Variants in HIBCH observed in about 807,000 individuals in gnomAD.
HIBCH encodes the protein 3-hydroxyisobutyryl-CoA hydrolase, also known as 3-hydroxyisobutyryl-CoA hydrolase, mitochondrial.
In HIBCH, 50 loss-of-function variants were observed where a neutral mutation model predicts 58.2. The ratio of observed to expected loss-of-function variants is 0.86; its 90% confidence interval spans 0.68 to 1.09. The LOEUF is 1.09. HIBCH is among the 50% of genes least tolerant of loss of function. The pLI, the probability that HIBCH is intolerant of heterozygous loss-of-function variation, is 0.00. For synonymous variants in HIBCH, 151 were observed against 146.9 expected (o/e 1.03, Z -0.20); for missense variants, 450 against 449.7 (o/e 1.00, Z -0.01).
At chr2:190,292,457 G>A (rs1687983367) in intron 4 of HIBCH, among the ~76,000 whole-genome samples, 1 of 152,050 alleles carries the variant, frequency 6.6e-6, no homozygotes, top group African/African-American at 2.4e-5. Flanking sequence ...GGCGCATGCC[G>A]CCATGCCCAG....
intron 2 of HIBCH, among the ~76,000 whole-genome samples, chr2:190,303,037 G>A (rs971871056): frequency 1.3e-5 from 2 of 152,180 alleles, no homozygotes; most frequent in Admixed American, 6.5e-5. Flanking sequence ...TCACTGTCAG[G>A]AGTAGAGTTA....
chr2:190,228,279 T>A (rs1030063143), intron 11 of HIBCH, among the ~76,000 whole-genome samples: 1 of 151,920 alleles, frequency 6.6e-6, no homozygotes, highest in Non-Finnish European at 1.5e-5. Flanking sequence ...GAAATCATCA[T>A]TCTCAGCAAA....
intron 11 of HIBCH, among the ~76,000 whole-genome samples, chr2:190,222,658 T>C (rs930133603): frequency 6.6e-6 from 1 of 152,164 alleles, no homozygotes; most frequent in Non-Finnish European, 1.5e-5. Flanking sequence ...TAGGAACGCT[T>C]TTACACTGTT....
At position 190,204,014 on chromosome 2, in the gene HIBCH, TAAAC is replaced by T. The variant is rs969636899; in HGVS notation, c.*1099_*1102del. 2.6e-5 allele frequency: 4 copies of T among 152,012 alleles called. No individual in the cohort carries two copies. Among genetic ancestry groups the T allele is most frequent in the African/African-American group, 4.8e-5 (2 of 41,438 alleles). 9.4% of individuals were successfully genotyped at this position (152,012 alleles called of 1,614,324 possible). ...TAATTTATAAACTTACCTTTAAAAT[TAAAC>T]AAAAATTACAAACAAAAAACAAAAT... On this transcript the variant is annotated 3_prime_UTR_variant, in exon 14 of 14. Transcript: ENST00000359678.
intron 5 of HIBCH, 92 bp downstream of exon 5, chr2:190,290,313 A>C: frequency 1.2e-6 from 1 of 851,924 alleles, no homozygotes; most frequent in Non-Finnish European, 2.0e-6. Context: ...AGTTTAAGTA[A>C]GGATGCCTAT....
In HIBCH at chr2:190,226,557, C is replaced by T. The variant is rs186639398; in HGVS notation, c.892-13482G>A. On this transcript the variant is annotated intron_variant, in intron 11 of 13. Transcript: ENST00000359678. The stretch of plus-strand genomic sequence containing the variant: ...TTGCAGTGAGCCGAGATTGTGCCAC[C>T]GCACTCCAGCCTGGGCAACAAGAGT... 2.4e-3 allele frequency among the ~76,000 whole-genome samples: 348 copies of T among 144,340 alleles called. 1 individual carries two copies. The highest frequency in any genetic ancestry group is 3.5e-3 in the Non-Finnish European group (229 of 66,330). The allele number at this position is 144,340 out of a possible 152,430, so 94.7% of individuals were successfully genotyped here.
chr2:190,263,339 T>C (rs1687145627), intron 6 of HIBCH, among the ~76,000 whole-genome samples: 1 of 152,204 alleles, frequency 6.6e-6, no homozygotes, highest in African/African-American at 2.4e-5. Flanking sequence ...TCAGTAATAT[T>C]TGACAGTTGC....
chr2:190,192,802 CATTA>C (rs1377393818), intron 1 of HIBCH, among the ~76,000 whole-genome samples: 1 of 152,082 alleles, frequency 6.6e-6, no homozygotes, highest in East Asian at 1.9e-4. Flanking sequence ...TTGCAAATGG[CATTA>C]ATTTCATCTT....
intron 3 of HIBCH, 119 bp downstream of exon 3, chr2:190,296,694 G>T: frequency 3.3e-6 from 3 of 920,858 alleles, no homozygotes; most frequent in Non-Finnish European, 5.2e-6. Context: ...AATTGATGGG[G>T]CTTACTTAGA....
At chr2:190,235,066 A>G (rs370243495) in intron 11 of HIBCH, among the ~76,000 whole-genome samples, 1 of 152,182 alleles carries the variant, frequency 6.6e-6, no homozygotes, top group South Asian at 2.1e-4. Context: ...ACTAGAAATG[A>G]AAACTTAAGA....
Position 190,246,224 on chromosome 2 carries a change from G to T in HIBCH, c.751-12C>A. Reference sequence around the variant, plus strand: ...CGATCAATCTTAGACTGTTTGAAAAGAAAAATCTTTTAATAAATTTGAACA... The same window carrying T: ...CGATCAATCTTAGACTGTTTGAAAATAAAAATCTTTTAATAAATTTGAACA... On this transcript the variant is annotated splice_polypyrimidine_tract_variant and intron_variant, in intron 9 of 13. Transcript: ENST00000359678. 1 of 1,521,104 alleles carries T rather than the reference G, an allele frequency of 6.6e-7. No individual in the cohort carries two copies. Among genetic ancestry groups the T allele is most frequent in the South Asian group, 1.2e-5 (1 of 86,078 alleles). 94.2% of individuals were successfully genotyped at this position (1,521,104 alleles called of 1,614,324 possible). A position where few individuals can be genotyped will look rare whatever the true frequency, so the allele number is the denominator to read the frequency against.
At position 190,297,362 on chromosome 2, in the gene HIBCH, T is replaced by C. The variant is rs538035787; in HGVS notation, c.79-409A>G. On this transcript the variant is annotated intron_variant, in intron 2 of 13. Transcript: ENST00000359678. ...GTCAACTTGAAAACAAAGATGATAC[T>C]TGAGTTGGGGCTTGATGTATCCCAA... Among the ~76,000 whole-genome samples, 3 of 152,282 alleles carry C rather than the reference T, an allele frequency of 2.0e-5. No homozygotes were observed. The South Asian group carries it at 6.2e-4, about 32-fold the overall frequency.
chr2:190,297,018 AACAT>A, intron 2 of HIBCH, 65 bp from the exon 3 acceptor site: 1 of 1,436,842 alleles, frequency 7.0e-7, no homozygotes, highest in Non-Finnish European at 9.8e-7. Flanking sequence ...CCAACATCAA[AACAT>A]ACATATCAAA....
At chr2:190,245,431 C>T (rs1395015679) in intron 10 of HIBCH, 1 of 157,292 alleles carries the variant, frequency 6.4e-6, no homozygotes, top group Non-Finnish European at 1.4e-5. Flanking sequence ...TCTAGCTTCT[C>T]TTCTCCACTT....
At chr2:190,234,122 A>C (rs1686191809) in intron 11 of HIBCH, among the ~76,000 whole-genome samples, 1 of 152,170 alleles carries the variant, frequency 6.6e-6, no homozygotes, top group South Asian at 2.1e-4. Context: ...GTGCCACTGC[A>C]CTCTAGCCTG....
intron 6 of HIBCH, among the ~76,000 whole-genome samples, chr2:190,275,642 A>G (rs1687529479): frequency 6.6e-6 from 1 of 152,238 alleles, no homozygotes; most frequent in African/African-American, 2.4e-5. Context: ...GTGAGTTGTG[A>G]AAAGTTTGTG....
Position 190,304,497 on chromosome 2 carries a change from G to A in HIBCH, c.78+6257C>T, listed in dbSNP as rs1325431204. Among the ~76,000 whole-genome samples, 4 of 152,112 alleles carry A rather than the reference G, an allele frequency of 2.6e-5. No individual in the cohort carries two copies. The highest frequency in any genetic ancestry group is 5.9e-5 in the Non-Finnish European group (4 of 68,020). On this transcript the variant is annotated intron_variant, in intron 2 of 13. Transcript: ENST00000359678. This position sits in a 1 kb window ranked among gnomAD's most constrained non-coding sequence, Gnocchi z 4.1. ...ATCAATTAATGGATTAATCCTTCGT[G>A]AGGACAGAGGCCTCGTGACCCAATC...
intron 11 of HIBCH, among the ~76,000 whole-genome samples, chr2:190,223,557 T>C (rs1559018313): frequency 6.6e-6 from 1 of 152,024 alleles, no homozygotes; most frequent in Non-Finnish European, 1.5e-5. Flanking sequence ...CTGAAAATAA[T>C]GGTAGAAGAA....
exon 2 of HIBCH, chr2:190,189,761 A>G (rs1689628114): frequency 6.6e-6 from 1 of 152,208 alleles, no homozygotes; most frequent in African/African-American, 2.4e-5. Flanking sequence ...TTTCTCATTT[A>G]TTGCCATCAT....
Sources: gnomAD v4.1 joint callset for allele counts (sites outside exome capture counted in the v4.1 genomes callset) on GRCh38, gnomAD v4.1.1 for gene constraint, Gnocchi (gnomAD v3.1) non-coding constraint, MANE v1.5 for transcripts, NCBI Gene and HGNC (gene_info 2026-07-23, HGNC 2026-07-21) for gene names.